The following PTPRD variants were observed in gnomAD, a reference collection of about 807,000 sequenced individuals.
PTPRD encodes protein tyrosine phosphatase receptor type D, also known as receptor-type tyrosine-protein phosphatase delta.
PTPRD carries 34 observed loss-of-function variants against 214.5 expected under a neutral mutation model. That is an observed-to-expected ratio of 0.16 (90% CI 0.12 to 0.21). The LOEUF is 0.21. PTPRD is among the 10% of genes least tolerant of loss of function. The probability of loss-of-function intolerance (pLI) is 1.00; values close to 1 mark genes in which losing one functional copy is unlikely to be tolerated. For synonymous variants in PTPRD, 1,128 were observed against 845.7 expected, an observed-to-expected ratio of 1.33 and a Z score of -5.79; for missense variants, 2,545 against 2,398.7, an observed-to-expected ratio of 1.06 and a Z score of -1.27.
At chr9:9,593,117 GAAGGAAAGGA>G (rs377722724) in intron 7 of PTPRD, among the ~76,000 whole-genome samples, 2 of 144,476 alleles carry the variant, frequency 1.4e-5, no homozygotes, top group African/African-American at 5.1e-5. Flanking sequence ...AGAAAGGAAG[GAAGGAAAGGA>G]AAGGAAAGGA....
Position 9,556,656 on chromosome 9 carries a change from A to C in PTPRD, c.-237+18076T>G, listed in dbSNP as rs143852225. On this transcript the variant is annotated intron_variant, in intron 8 of 45. Transcript: ENST00000381196. ...CCATCTAAGATAAATGAATTGTTTA[A>C]AGTATATAACTTTGTCTTTGTATCT... Among the ~76,000 whole-genome samples the C allele has an allele frequency of 2.8e-3, 422 of 152,278 alleles. 1 individual carries two copies. The highest frequency in any genetic ancestry group is 9.2e-3 in the African/African-American group (381 of 41,566).
At chr9:8,947,039 T>A (rs1276061856) in intron 11 of PTPRD, among the ~76,000 whole-genome samples, 2 of 150,428 alleles carry the variant, frequency 1.3e-5, no homozygotes, top group South Asian at 4.2e-4. Flanking sequence ...CTTTTTTTTT[T>A]TTTGTGTGTG....
chr9:10,606,301 T>C (rs10959196), intron 2 of PTPRD, among the ~76,000 whole-genome samples: 6,263 of 151,874 alleles, frequency 0.041, 196 homozygotes, highest in East Asian at 0.14. Context: ...GTCTCTAGCG[T>C]GAGATTAATG....
At chr9:8,538,866 T>C (rs1051595978) in intron 14 of PTPRD, among the ~76,000 whole-genome samples, 1 of 151,866 alleles carries the variant, frequency 6.6e-6, no homozygotes, top group Non-Finnish European at 1.5e-5. Flanking sequence ...GGAAACACTT[T>C]CCTTTCAGAA....
chr9:10,254,661 G>A (rs1012323031), intron 3 of PTPRD, among the ~76,000 whole-genome samples: 1 of 152,104 alleles, frequency 6.6e-6, no homozygotes, highest in African/African-American at 2.4e-5. Context: ...CCAAAAGGAA[G>A]GGGATCCTTT....
intron 2 of PTPRD, among the ~76,000 whole-genome samples, chr9:10,416,844 AG>A (rs1271933857): frequency 6.6e-6 from 1 of 151,856 alleles, no homozygotes; most frequent in Non-Finnish European, 1.5e-5. Context: ...ATAATAGTGT[AG>A]AATTGATGGG....
intron 9 of PTPRD, among the ~76,000 whole-genome samples, chr9:9,353,284 AT>A (rs1230395963): frequency 1.3e-5 from 2 of 152,024 alleles, no homozygotes; most frequent in Non-Finnish European, 2.9e-5. Flanking sequence ...ATTAAAATGT[AT>A]AAAAATGTTG....
chr9:9,462,868 C>T (rs2093786496), intron 8 of PTPRD, among the ~76,000 whole-genome samples: 1 of 152,078 alleles, frequency 6.6e-6, no homozygotes, highest in African/African-American at 2.4e-5. Flanking sequence ...TTAGTCTTTA[C>T]CAAAAGTTCT....
At chr9:9,114,891 C>A (rs989770949) in intron 10 of PTPRD, among the ~76,000 whole-genome samples, 1 of 152,016 alleles carries the variant, frequency 6.6e-6, no homozygotes, top group Non-Finnish European at 1.5e-5. Context: ...TTTAGGGAAA[C>A]GTTCTCTTGA....
intron 9 of PTPRD, among the ~76,000 whole-genome samples, chr9:9,275,102 A>ATAT (rs1356178509): frequency 3.3e-5 from 2 of 60,706 alleles, no homozygotes; most frequent in African/African-American, 1.3e-4. Flanking sequence ...TTATATATAT[A>ATAT]ATATATTATA....
At chr9:8,871,994 C>T (rs775770059) in intron 11 of PTPRD, among the ~76,000 whole-genome samples, 7 of 152,036 alleles carry the variant, frequency 4.6e-5, no homozygotes, top group South Asian at 2.1e-4. Context: ...GGAAACCAGC[C>T]GCAATGCAAT....
At chr9:10,035,822 T>A (rs2097170077) in intron 3 of PTPRD, among the ~76,000 whole-genome samples, 2 of 141,562 alleles carry the variant, frequency 1.4e-5, no homozygotes, top group South Asian at 4.5e-4. Flanking sequence ...GTTTACTTCA[T>A]TAAAAAAAAA....
intron 9 of PTPRD, among the ~76,000 whole-genome samples, chr9:9,363,218 A>T (rs2056822420): frequency 6.6e-6 from 1 of 150,552 alleles, no homozygotes; most frequent in Non-Finnish European, 1.5e-5. Context: ...AGGGAATGAT[A>T]AGGCCACAAG....
At chr9:8,945,947 C>G (rs961968413) in intron 11 of PTPRD, among the ~76,000 whole-genome samples, 4 of 152,282 alleles carry the variant, frequency 2.6e-5, no homozygotes, top group Admixed American at 1.3e-4. Context: ...GTAATATATT[C>G]TCCTCACCTA....
intron 9 of PTPRD, among the ~76,000 whole-genome samples, chr9:9,367,475 A>G (rs982039388): frequency 5.3e-5 from 8 of 151,726 alleles, no homozygotes; most frequent in African/African-American, 1.9e-4. Context: ...TCCCAATTGT[A>G]AGTAAAGTTA....
At chr9:10,304,603 C>G (rs1001887164) in intron 3 of PTPRD, among the ~76,000 whole-genome samples, 15 of 151,788 alleles carry the variant, frequency 9.9e-5, no homozygotes, top group Admixed American at 7.2e-4. Context: ...TCACAAGGAT[C>G]CCTATATACA....
intron 8 of PTPRD, among the ~76,000 whole-genome samples, chr9:9,444,874 C>A (rs1219212459): frequency 1.3e-5 from 2 of 152,156 alleles, no homozygotes; most frequent in Non-Finnish European, 2.9e-5. Flanking sequence ...TACATGCCTA[C>A]TTGCAAGTTA....
At chr9:8,604,543 T>G (rs1677994584) in intron 14 of PTPRD, among the ~76,000 whole-genome samples, 1 of 151,706 alleles carries the variant, frequency 6.6e-6, no homozygotes, top group Admixed American at 6.6e-5. Flanking sequence ...TGCCTCAGGG[T>G]TTTCTCCTAT....
rs1029769124 is a variant in PTPRD, at chr9:10,111,457, C to G, written c.-544-77667G>C. Among the ~76,000 whole-genome samples the G allele has an allele frequency of 7.1e-4, 108 of 151,484 alleles. 1 individual carries two copies. The highest frequency in any genetic ancestry group is 2.5e-3 in the African/African-American group (104 of 41,380). On this transcript the variant is annotated intron_variant, in intron 3 of 45. Transcript: ENST00000381196. ...GTTTCACCGTTTTAGCCGGGATGGTCTCGATCTCCTGACCTCGTGATCCGC... is the reference window on the plus strand; with the variant it reads ...GTTTCACCGTTTTAGCCGGGATGGTGTCGATCTCCTGACCTCGTGATCCGC...
Sources: gnomAD v4.1 joint callset for allele counts (sites outside exome capture counted in the v4.1 genomes callset) on GRCh38, gnomAD v4.1.1 for gene constraint, MANE v1.5 for transcripts, NCBI Gene and HGNC (gene_info 2026-07-23, HGNC 2026-07-21) for gene names.